Variants in CCSER2 observed in about 807,000 individuals in gnomAD.
CCSER2 encodes the protein serine-rich coiled-coil domain-containing protein 2.
In CCSER2, 46 loss-of-function variants were observed where a neutral mutation model predicts 92.3. That is an observed-to-expected ratio of 0.50 (90% CI 0.39 to 0.64). The LOEUF is 0.64. Ranked by LOEUF, CCSER2 falls within the 30% of genes least tolerant of loss-of-function variation. The pLI, the probability that CCSER2 is intolerant of heterozygous loss-of-function variation, is 0.00. For missense variants in CCSER2, 1,244 were observed against 1,238.9 expected, an observed-to-expected ratio of 1.00 and a Z score of -0.06; for synonymous variants, 433 against 431.4, an observed-to-expected ratio of 1.00 and a Z score of -0.04.
chr10:84,492,402 A>C (rs1011447428), intron 9 of CCSER2, among the ~76,000 whole-genome samples: 1 of 152,112 alleles, frequency 6.6e-6, no homozygotes, highest in Non-Finnish European at 1.5e-5. Flanking sequence ...TATGTTGACC[A>C]TTATGTCATC....
chr10:84,504,654 G>A (rs751860129), intron 9 of CCSER2, among the ~76,000 whole-genome samples: 8 of 152,052 alleles, frequency 5.3e-5, no homozygotes, highest in Non-Finnish European at 7.4e-5. Context: ...AAACTCTTAT[G>A]TATATTTTTA....
chr10:84,428,944 T>TGTG (rs1440577537), intron 5 of CCSER2, among the ~76,000 whole-genome samples: 2 of 146,162 alleles, frequency 1.4e-5, no homozygotes, highest in East Asian at 4.0e-4. Context: ...GTGATTCAGT[T>TGTG]TGCTAGTATT....
At chr10:84,474,509 A>C (rs1847012142) in intron 8 of CCSER2, among the ~76,000 whole-genome samples, 1 of 151,942 alleles carries the variant, frequency 6.6e-6, no homozygotes, top group Non-Finnish European at 1.5e-5. Flanking sequence ...AAAAATACAA[A>C]AATTAGCTGG....
chr10:84,347,979 G>A (rs1006121517), intron 1 of CCSER2, among the ~76,000 whole-genome samples: 33 of 152,212 alleles, frequency 2.2e-4, no homozygotes, highest in African/African-American at 6.8e-4. Context: ...CTGGGCAGCC[G>A]GGCAGAGGGG....
At position 84,514,347 on chromosome 10, in the gene CCSER2, T is replaced by G. The variant is rs995001263; in HGVS notation, c.*80T>G. The G allele has an allele frequency of 9.9e-7, 1 of 1,008,356 alleles. No homozygotes were observed. Among genetic ancestry groups the G allele is most frequent in the African/African-American group, 1.6e-5 (1 of 61,456 alleles). 62.5% of individuals were successfully genotyped at this position (1,008,356 alleles called of 1,614,324 possible). A position where few individuals can be genotyped will look rare whatever the true frequency, so the allele number is the denominator to read the frequency against. On this transcript the variant is annotated 3_prime_UTR_variant, in exon 10 of 10. Transcript: ENST00000372088. ...GCTTTATGTGCAGCTTGCAGCTTGC[T>G]ACTGTGGTGGAGGTTCCATTGAAAG...
chr10:84,476,159 C>T (rs568019901), intron 8 of CCSER2, among the ~76,000 whole-genome samples: 7 of 152,178 alleles, frequency 4.6e-5, no homozygotes, highest in Admixed American at 4.6e-4. Flanking sequence ...GTTTCAGTGA[C>T]TGTCTCATTT....
At chr10:84,372,609 A>G in intron 2 of CCSER2, 140 bp downstream of exon 2, 1 of 584,944 alleles carries the variant, frequency 1.7e-6, no homozygotes, top group Non-Finnish European at 2.9e-6. Flanking sequence ...GAGGTGGGTT[A>G]ACGTTTATTT....
At chr10:84,351,481 C>T (rs1844855954) in intron 1 of CCSER2, among the ~76,000 whole-genome samples, 1 of 152,082 alleles carries the variant, frequency 6.6e-6, no homozygotes, top group Non-Finnish European at 1.5e-5. Context: ...AGCCACTCAC[C>T]TTGGCCTCCC....
At chr10:84,441,733 AATGTTTTTT>A (rs1178453413) in intron 6 of CCSER2, among the ~76,000 whole-genome samples, 13 of 115,986 alleles carry the variant, frequency 1.1e-4, no homozygotes, top group South Asian at 3.2e-4. Context: ...AGACTGGGAA[AATGTTTTTT>A]TTTTTTTTTT....
chr10:84,385,485 C>T (rs576135130), intron 3 of CCSER2, among the ~76,000 whole-genome samples: 1 of 152,054 alleles, frequency 6.6e-6, no homozygotes. Context: ...TCGACAGAAC[C>T]AACAAAAATA....
chr10:84,403,971 G>A (rs1237988473), intron 3 of CCSER2, among the ~76,000 whole-genome samples: 1 of 152,168 alleles, frequency 6.6e-6, no homozygotes, highest in African/African-American at 2.4e-5. Flanking sequence ...AAAAGTTACA[G>A]ATTTAGAGAG....
chr10:84,483,995 A>ATATATATATATG (rs1564711747), intron 9 of CCSER2, among the ~76,000 whole-genome samples: 66 of 72,322 alleles, frequency 9.1e-4, no homozygotes, highest in African/African-American at 1.2e-3. Context: ...ATATATATAT[A>ATATATATATATG]TAATTTTTTT....
chr10:84,369,813 G>C (rs1034536412), intron 1 of CCSER2, among the ~76,000 whole-genome samples: 2 of 151,818 alleles, frequency 1.3e-5, no homozygotes, highest in African/African-American at 4.8e-5. Context: ...AATCCATCTT[G>C]GTTGATTTTT....
At chr10:84,493,163 C>T (rs1208982227) in intron 9 of CCSER2, among the ~76,000 whole-genome samples, 1 of 152,094 alleles carries the variant, frequency 6.6e-6, no homozygotes, top group Admixed American at 6.5e-5. Flanking sequence ...ATTCAAATGA[C>T]TTCTTTCATC....
At chr10:84,474,054 A>G (rs1846980612) in intron 8 of CCSER2, among the ~76,000 whole-genome samples, 1 of 152,204 alleles carries the variant, frequency 6.6e-6, no homozygotes, top group Non-Finnish European at 1.5e-5. Flanking sequence ...AAGGCATAGA[A>G]GTTTAACTAT....
At chr10:84,386,542 C>G (rs1279647409) in intron 3 of CCSER2, among the ~76,000 whole-genome samples, 1 of 152,168 alleles carries the variant, frequency 6.6e-6, no homozygotes, top group Non-Finnish European at 1.5e-5. Context: ...CATGGCTAAA[C>G]CCTGTCTCTA....
At chr10:84,398,897 G>T (rs191862105) in intron 3 of CCSER2, among the ~76,000 whole-genome samples, 8 of 152,258 alleles carry the variant, frequency 5.3e-5, no homozygotes, top group Admixed American at 5.2e-4. Context: ...TTTTAAGGAA[G>T]TTTCTTCTGT....
chr10:84,483,977 A>T (rs1365765653), intron 9 of CCSER2, among the ~76,000 whole-genome samples: 1 of 116,270 alleles, frequency 8.6e-6, no homozygotes. Context: ...ATATATATAT[A>T]TATATATATA....
chr10:84,347,181 T>G (rs1211380221), intron 1 of CCSER2, among the ~76,000 whole-genome samples: 1 of 152,236 alleles, frequency 6.6e-6, no homozygotes, highest in African/African-American at 2.4e-5. Context: ...GTCTACTTCC[T>G]TCCACACAGA....
Sources: allele counts gnomAD v4.1 joint callset (sites outside exome capture counted in the v4.1 genomes callset), GRCh38; gene constraint gnomAD v4.1.1; transcripts MANE v1.5; gene names NCBI Gene and HGNC (gene_info 2026-07-23, HGNC 2026-07-21).